Variants in CACNG2 observed in about 807,000 individuals in gnomAD.
CACNG2 encodes the protein calcium voltage-gated channel auxiliary subunit gamma 2, also known as voltage-dependent calcium channel gamma-2 subunit.
In CACNG2, 3 loss-of-function variants were observed where a neutral mutation model predicts 25.9. That is an observed-to-expected ratio of 0.12 (90% CI 0.05 to 0.30). CACNG2 has a LOEUF of 0.30. Ranked by LOEUF, CACNG2 falls within the 10% of genes least tolerant of loss-of-function variation. CACNG2 has a pLI of 1.00. For synonymous variants in CACNG2, 167 were observed against 173.3 expected, an observed-to-expected ratio of 0.96 and a Z score of 0.29; for missense variants, 341 against 432.5, an observed-to-expected ratio of 0.79 and a Z score of 1.88.
At chr22:36,637,949 G>A (rs1171024142) in intron 1 of CACNG2, among the ~76,000 whole-genome samples, 1 of 152,034 alleles carries the variant, frequency 6.6e-6, no homozygotes, top group African/African-American at 2.4e-5. Context: ...TTGAAGCTGG[G>A]AGGTGGAGGT....
At chr22:36,693,450 C>G (rs1937292899) in intron 1 of CACNG2, among the ~76,000 whole-genome samples, 1 of 152,148 alleles carries the variant, frequency 6.6e-6, no homozygotes, top group South Asian at 2.1e-4. Context: ...ACCTGCTCAG[C>G]AAGTCTCATC....
chr22:36,578,979 C>T (rs1935369821), intron 2 of CACNG2, among the ~76,000 whole-genome samples: 1 of 152,134 alleles, frequency 6.6e-6, no homozygotes. Flanking sequence ...GTGGTCACCT[C>T]CCCGCACAGC....
intron 1 of CACNG2, among the ~76,000 whole-genome samples, chr22:36,608,841 T>TGTGAGCTCTTTGAACAGTACATGCA (rs1298908180): frequency 6.6e-6 from 1 of 152,242 alleles, no homozygotes; most frequent in Non-Finnish European, 1.5e-5. Flanking sequence ...TTAATCTACA[T>TGTGAGCTCTTTGAACAGTACATGCA]GTGAGCTCTT....
chr22:36,644,880 CT>C (rs1294503227), intron 1 of CACNG2, among the ~76,000 whole-genome samples: 9 of 152,054 alleles, frequency 5.9e-5, no homozygotes, highest in Non-Finnish European at 1.0e-4. Context: ...GGGGTCATCT[CT>C]AGGATGACGA....
intron 1 of CACNG2, among the ~76,000 whole-genome samples, chr22:36,631,181 G>A (rs933019326): frequency 4.6e-5 from 7 of 152,162 alleles, no homozygotes; most frequent in African/African-American, 1.4e-4. Flanking sequence ...CTCGGTACAC[G>A]TGTGAGATGA....
intron 1 of CACNG2, among the ~76,000 whole-genome samples, chr22:36,680,324 T>TTAC: frequency 6.7e-6 from 1 of 149,184 alleles, no homozygotes; most frequent in Non-Finnish European, 1.5e-5. Context: ...ATGGCTATAA[T>TTAC]TACCACCGCC....
At chr22:36,647,759 T>C (rs1350550901) in intron 1 of CACNG2, among the ~76,000 whole-genome samples, 2 of 152,206 alleles carry the variant, frequency 1.3e-5, no homozygotes, top group African/African-American at 4.8e-5. Context: ...CCCTTTTACA[T>C]AGTTACCAGG....
chr22:36,648,732 C>A (rs1417346090), intron 1 of CACNG2, among the ~76,000 whole-genome samples: 5 of 152,144 alleles, frequency 3.3e-5, no homozygotes, highest in Admixed American at 6.5e-5. Flanking sequence ...CCTGCCATAA[C>A]CCTCTTTGCT....
intron 1 of CACNG2, among the ~76,000 whole-genome samples, chr22:36,660,980 G>C (rs1345235540): frequency 2.0e-5 from 3 of 152,370 alleles, no homozygotes; most frequent in African/African-American, 7.2e-5. Flanking sequence ...AGGGCTTGGT[G>C]TACTGTGGGC....
intron 1 of CACNG2, among the ~76,000 whole-genome samples, chr22:36,668,014 T>C (rs1172871519): frequency 2.6e-5 from 4 of 152,224 alleles, no homozygotes; most frequent in Non-Finnish European, 5.9e-5. Flanking sequence ...GCATTTTACC[T>C]GCATGAACTC....
chr22:36,660,472 T>G (rs932306581), intron 1 of CACNG2, among the ~76,000 whole-genome samples: 1 of 152,252 alleles, frequency 6.6e-6, no homozygotes, highest in African/African-American at 2.4e-5. Context: ...ATTCTCACTC[T>G]CTGTCTTGGA....
At chr22:36,586,416 A>T (rs1470981134) in intron 2 of CACNG2, among the ~76,000 whole-genome samples, 2 of 152,252 alleles carry the variant, frequency 1.3e-5, no homozygotes, top group Non-Finnish European at 2.9e-5. Context: ...CCTTTAAAAA[A>T]AAGAATCTAA....
chr22:36,682,647 T>A (rs1937140239), intron 1 of CACNG2, among the ~76,000 whole-genome samples: 1 of 152,086 alleles, frequency 6.6e-6, no homozygotes, highest in Non-Finnish European at 1.5e-5. Context: ...ACAAGAATAA[T>A]AACAACACAA....
At chr22:36,580,699 A>G (rs1299787105) in intron 2 of CACNG2, among the ~76,000 whole-genome samples, 2 of 152,170 alleles carry the variant, frequency 1.3e-5, no homozygotes, top group African/African-American at 4.8e-5. Flanking sequence ...AGTGGCCACA[A>G]TAGAGTGGAT....
intron 1 of CACNG2, among the ~76,000 whole-genome samples, chr22:36,609,599 C>T (rs1320267461): frequency 8.1e-6 from 1 of 123,628 alleles, no homozygotes; most frequent in Non-Finnish European, 1.7e-5. Context: ...CAGGAATCAG[C>T]CCCCCAGAGC....
chr22:36,629,927 A>C (rs760677447), intron 1 of CACNG2, among the ~76,000 whole-genome samples: 6 of 152,200 alleles, frequency 3.9e-5, no homozygotes, highest in South Asian at 2.1e-4. Flanking sequence ...ATGCGAGGGC[A>C]TGGGGGCGTA....
At chr22:36,635,450 G>A (rs149752756) in intron 1 of CACNG2, among the ~76,000 whole-genome samples, 15 of 152,198 alleles carry the variant, frequency 9.9e-5, no homozygotes, top group Middle Eastern at 3.4e-3. Flanking sequence ...AGCTACAAAC[G>A]AGGACAAAGA....
chr22:36,660,158 G>A (rs1936769841), intron 1 of CACNG2, among the ~76,000 whole-genome samples: 1 of 152,246 alleles, frequency 6.6e-6, no homozygotes, highest in Non-Finnish European at 1.5e-5. Context: ...CCCTCACTAG[G>A]CCGTGAGCTC....
intron 1 of CACNG2, among the ~76,000 whole-genome samples, chr22:36,641,985 C>A (rs1387933629): frequency 6.6e-6 from 1 of 152,106 alleles, no homozygotes; most frequent in African/African-American, 2.4e-5. Context: ...TGGGAGAGCT[C>A]CTGAAGGGAA....
Sources: gnomAD v4.1 joint callset for allele counts (sites outside exome capture counted in the v4.1 genomes callset) on GRCh38, gnomAD v4.1.1 for gene constraint, MANE v1.5 for transcripts, NCBI Gene and HGNC (gene_info 2026-07-23, HGNC 2026-07-21) for gene names.